SMIM10L3: variants seen among roughly 807,000 people sequenced by gnomAD.
SMIM10L3 encodes salivary gland specific protein SAGSIN1.
At chr7:6,341,145 A>G in the SMIM10L3 span, among the ~76,000 whole-genome samples, 4 of 147,554 alleles carry the variant, frequency 2.7e-5, no homozygotes, top group African/African-American at 9.9e-5. Flanking sequence ...CTCTGTCCCA[A>G]AAAAAAAAAT....
the SMIM10L3 span, among the ~76,000 whole-genome samples, chr7:6,337,961 G>A: frequency 9.5e-3 from 1,444 of 151,494 alleles, 20 homozygotes; most frequent in Non-Finnish European, 0.014. Flanking sequence ...CAGCTGCCAC[G>A]CCCAGCTAAT....
the SMIM10L3 span, among the ~76,000 whole-genome samples, chr7:6,333,974 G>A: frequency 6.7e-6 from 1 of 149,938 alleles, no homozygotes; most frequent in Non-Finnish European, 1.5e-5. Flanking sequence ...AGCCTCCCAA[G>A]TAGCTGGGAC....
At chr7:6,340,824 G>A in the SMIM10L3 span, among the ~76,000 whole-genome samples, 1,167 of 134,606 alleles carry the variant, frequency 8.7e-3, 16 homozygotes, top group African/African-American at 0.031. Context: ...GCGTGAACCC[G>A]GGAGGCGGAG....
At chr7:6,346,834 G>A in the SMIM10L3 span, among the ~76,000 whole-genome samples, 6 of 152,320 alleles carry the variant, frequency 3.9e-5, no homozygotes, top group South Asian at 2.1e-4. Flanking sequence ...GGCACCTGCA[G>A]TGTGGTGGTT....
chr7:6,337,100 C>G, the SMIM10L3 span, among the ~76,000 whole-genome samples: 7 of 148,144 alleles, frequency 4.7e-5, no homozygotes, highest in Non-Finnish European at 7.4e-5. Context: ...ACAAGAGTCT[C>G]TCTCTGTCTC....
the SMIM10L3 span, among the ~76,000 whole-genome samples, chr7:6,332,051 G>C: frequency 6.6e-6 from 1 of 150,718 alleles, no homozygotes; most frequent in East Asian, 2.0e-4. Context: ...GGTGGAAGTA[G>C]CTGTGAGCCG....
the SMIM10L3 span, among the ~76,000 whole-genome samples, chr7:6,343,185 T>G: frequency 2.6e-5 from 4 of 151,476 alleles, no homozygotes; most frequent in Non-Finnish European, 5.9e-5. Context: ...AAGACCAGCC[T>G]GGCCAACATG....
the SMIM10L3 span, among the ~76,000 whole-genome samples, chr7:6,347,770 T>C: frequency 6.6e-6 from 1 of 151,842 alleles, no homozygotes; most frequent in African/African-American, 2.4e-5. Flanking sequence ...AAAACGTCTA[T>C]GCAGGCCAGA....
At chr7:6,337,391 G>C in the SMIM10L3 span, among the ~76,000 whole-genome samples, 925 of 150,816 alleles carry the variant, frequency 6.1e-3, 20 homozygotes, top group African/African-American at 0.021. Flanking sequence ...CAAAGTGTTG[G>C]GATTACAGGC....
chr7:6,348,151 C>A, the SMIM10L3 span, among the ~76,000 whole-genome samples: 2 of 151,494 alleles, frequency 1.3e-5, no homozygotes. Flanking sequence ...CTCAGGTAAT[C>A]CGCCCGCCTC....
chr7:6,338,083 C>T, the SMIM10L3 span, among the ~76,000 whole-genome samples: 4 of 152,248 alleles, frequency 2.6e-5, no homozygotes, highest in South Asian at 2.1e-4. Context: ...CGATTACAGG[C>T]GTGAGCCACT....
the SMIM10L3 span, chr7:6,331,021 G>A: frequency 6.2e-7 from 1 of 1,614,128 alleles, no homozygotes; most frequent in Admixed American, 1.7e-5. Context: ...ATTCATCCAG[G>A]AGGGTGCATC....
At chr7:6,335,079 T>G in the SMIM10L3 span, among the ~76,000 whole-genome samples, 1 of 151,114 alleles carries the variant, frequency 6.6e-6, no homozygotes, top group African/African-American at 2.4e-5. Flanking sequence ...TGGTTATTTT[T>G]TGAGACAGAG....
the SMIM10L3 span, among the ~76,000 whole-genome samples, chr7:6,339,876 G>T: frequency 1.3e-5 from 2 of 151,018 alleles, no homozygotes; most frequent in African/African-American, 2.4e-5. Context: ...GTGCCAGCTC[G>T]GCGTCAGGCA....
chr7:6,348,711 G>C, the SMIM10L3 span: 1 of 422,872 alleles, frequency 2.4e-6, no homozygotes, highest in African/African-American at 2.0e-5. Flanking sequence ...AGCGGGCGGC[G>C]GCCGAGCGCG....
the SMIM10L3 span, among the ~76,000 whole-genome samples, chr7:6,334,942 AT>A: frequency 5.5e-5 from 8 of 144,454 alleles, no homozygotes; most frequent in Non-Finnish European, 1.1e-4. Context: ...CCAATTTTGT[AT>A]TTTTAATAGA....
At chr7:6,332,602 G>A in the SMIM10L3 span, among the ~76,000 whole-genome samples, 2 of 152,276 alleles carry the variant, frequency 1.3e-5, no homozygotes, top group Admixed American at 1.3e-4. Flanking sequence ...GGAGGCTGAT[G>A]TGGGAGGATT....
the SMIM10L3 span, among the ~76,000 whole-genome samples, chr7:6,347,233 G>C: frequency 6.6e-6 from 1 of 152,216 alleles, no homozygotes; most frequent in East Asian, 1.9e-4. Flanking sequence ...TCAGTCTCTT[G>C]GCTGGGCGCT....
At chr7:6,348,157 GC>G in the SMIM10L3 span, among the ~76,000 whole-genome samples, 1 of 147,900 alleles carries the variant, frequency 6.8e-6, no homozygotes, top group Non-Finnish European at 1.5e-5. Flanking sequence ...TAATCCGCCC[GC>G]CTCAGCCTCC....
Sources: allele counts gnomAD v4.1 joint callset (sites outside exome capture counted in the v4.1 genomes callset), GRCh38; gene constraint gnomAD v4.1.1; transcripts MANE v1.5; gene names NCBI Gene and HGNC (gene_info 2026-07-23, HGNC 2026-07-21).